The following TEAD1 variants were observed in gnomAD, a reference collection of about 807,000 sequenced individuals.
The protein encoded by TEAD1 is transcriptional enhancer factor TEF-1.
A neutral mutation model predicts 54.9 loss-of-function variants in TEAD1; 9 were observed. That is an observed-to-expected ratio of 0.16 (90% confidence interval 0.10 to 0.29). The LOEUF (loss-of-function observed/expected upper bound fraction) is 0.29, where lower values mean the gene tolerates loss of function less well. TEAD1 is among the 10% of genes least tolerant of loss of function. TEAD1 has a pLI of 1.00. For missense variants in TEAD1, 387 were observed against 535.9 expected, an observed-to-expected ratio of 0.72 and a Z score of 2.74; for synonymous variants, 200 against 187.8, an observed-to-expected ratio of 1.07 and a Z score of -0.53.
At chr11:12,792,493 C>T (rs889512476) in intron 3 of TEAD1, among the ~76,000 whole-genome samples, 3 of 151,926 alleles carry the variant, frequency 2.0e-5, no homozygotes, top group African/African-American at 7.3e-5. Flanking sequence ...TTATTCATGT[C>T]TGTATGCTAA....
chr11:12,866,917 A>G (rs894375022), intron 5 of TEAD1, among the ~76,000 whole-genome samples: 2 of 152,210 alleles, frequency 1.3e-5, no homozygotes, highest in African/African-American at 4.8e-5. Flanking sequence ...ACTTTGGGTA[A>G]TAGCGGGAGC....
At chr11:12,849,809 A>C (rs1240934661) in intron 3 of TEAD1, among the ~76,000 whole-genome samples, 1 of 152,180 alleles carries the variant, frequency 6.6e-6, no homozygotes, top group Non-Finnish European at 1.5e-5. Flanking sequence ...CATTCCTGCT[A>C]TTTATTCAGT....
intron 12 of TEAD1, among the ~76,000 whole-genome samples, chr11:12,936,735 A>AT (rs1245085777): frequency 1.3e-5 from 2 of 152,084 alleles, no homozygotes; most frequent in African/African-American, 4.8e-5. Flanking sequence ...AAAAATTCAG[A>AT]TAAAAAATAA....
intron 10 of TEAD1, among the ~76,000 whole-genome samples, chr11:12,902,678 C>G (rs1280291374): frequency 6.6e-6 from 1 of 152,126 alleles, no homozygotes; most frequent in Non-Finnish European, 1.5e-5. Flanking sequence ...GTTTATGATT[C>G]CTCAGCCTTT....
chr11:12,879,821 G>A lies in TEAD1; in HGVS notation c.444G>A (p.Pro148=), dbSNP rs750781340. The change falls in exon 6 of 13, where the codon CCG becomes CCA. Residue 148 remains proline, a synonymous_variant. Transcript: ENST00000527636. ...TGGGGCTGCCTGGGATTCCACGCCC[G>A]ACCTTCCCAGGGGCGCCGGGGGTAA... The A allele has an allele frequency of 1.3e-5, 21 of 1,613,804 alleles. No individual in the cohort carries two copies. The highest frequency in any genetic ancestry group is 3.3e-5 in the Admixed American group (2 of 60,028).
At chr11:12,755,563 A>T (rs1944967774) in intron 2 of TEAD1, among the ~76,000 whole-genome samples, 1 of 152,216 alleles carries the variant, frequency 6.6e-6, no homozygotes, top group Non-Finnish European at 1.5e-5. Context: ...GAAAAGGCTT[A>T]TGAGTTTTCC....
chr11:12,809,931 G>C (rs1264919967), intron 3 of TEAD1, among the ~76,000 whole-genome samples: 1 of 150,902 alleles, frequency 6.6e-6, no homozygotes, highest in African/African-American at 2.4e-5. Flanking sequence ...GGGAGTGGGT[G>C]AGGAGGTGTG....
intron 2 of TEAD1, among the ~76,000 whole-genome samples, chr11:12,727,009 G>A (rs568787686): frequency 3.3e-5 from 5 of 152,222 alleles, no homozygotes; most frequent in African/African-American, 1.2e-4. Flanking sequence ...GGAGCCTGAG[G>A]CGGGCAGATC....
At chr11:12,840,648 A>G (rs1349254588) in intron 3 of TEAD1, among the ~76,000 whole-genome samples, 5 of 152,112 alleles carry the variant, frequency 3.3e-5, no homozygotes, top group Non-Finnish European at 7.4e-5. Flanking sequence ...AGATATTCCC[A>G]ACTCTGCAGA....
intron 2 of TEAD1, among the ~76,000 whole-genome samples, chr11:12,743,677 T>C (rs1223594801): frequency 6.6e-6 from 1 of 152,214 alleles, no homozygotes; most frequent in African/African-American, 2.4e-5. Context: ...AGAAATAGTG[T>C]TGAAGTGATG....
At chr11:12,795,422 G>T (rs1244488319) in intron 3 of TEAD1, among the ~76,000 whole-genome samples, 2 of 152,162 alleles carry the variant, frequency 1.3e-5, no homozygotes, top group Non-Finnish European at 2.9e-5. Context: ...TTTGGGGCAT[G>T]CAATTCAACC....
At chr11:12,851,924 G>A (rs917039919) in intron 3 of TEAD1, among the ~76,000 whole-genome samples, 3 of 152,202 alleles carry the variant, frequency 2.0e-5, no homozygotes, top group African/African-American at 7.2e-5. Flanking sequence ...TGAATAGTCT[G>A]TAGATAAGTA....
chr11:12,833,691 A>G (rs1946827545), intron 3 of TEAD1, among the ~76,000 whole-genome samples: 1 of 152,160 alleles, frequency 6.6e-6, no homozygotes, highest in African/African-American at 2.4e-5. Flanking sequence ...AATTTTCACA[A>G]ACTGCCTCCA....
At chr11:12,778,774 T>C (rs1364870373) in intron 3 of TEAD1, among the ~76,000 whole-genome samples, 1 of 152,192 alleles carries the variant, frequency 6.6e-6, no homozygotes, top group Admixed American at 6.5e-5. Flanking sequence ...TACAACATTT[T>C]AATGAAACAA....
intron 2 of TEAD1, among the ~76,000 whole-genome samples, chr11:12,719,011 G>C (rs968698185): frequency 7.9e-5 from 12 of 151,606 alleles, no homozygotes; most frequent in Non-Finnish European, 1.3e-4. Context: ...TTTAGGGGGG[G>C]GAGTCCAAGG....
chr11:12,868,010 A>G (rs1947658600), intron 5 of TEAD1, among the ~76,000 whole-genome samples: 1 of 152,194 alleles, frequency 6.6e-6, no homozygotes, highest in South Asian at 2.1e-4. Flanking sequence ...TCAGACGTCG[A>G]AGGGGTAGAC....
chr11:12,920,832 T>C (rs1481672330), intron 10 of TEAD1, among the ~76,000 whole-genome samples: 1 of 152,222 alleles, frequency 6.6e-6, no homozygotes, highest in African/African-American at 2.4e-5. Context: ...GCAGCATCAT[T>C]GGGAAGCATC....
Position 12,937,177 on chromosome 11 carries a change from T to C in TEAD1, c.1236T>C (p.Ser412=), listed in dbSNP as rs1204424604. 1 of 1,613,972 alleles carries C rather than the reference T, an allele frequency of 6.2e-7. No individual in the cohort carries two copies. The highest frequency in any genetic ancestry group is 1.7e-5 in the Admixed American group (1 of 59,994). Residue 412 remains serine, a synonymous_variant, in exon 13 of 13, where the codon AGT becomes AGC. Coordinates refer to ENST00000527636, the MANE Select transcript of TEAD1 (RefSeq NM_021961.6). ...CCTGTGTGTTTGAAGTTTCAAATAG[T>C]GAACACGGAGCACAACATCATATTT... is the stretch of plus-strand genomic sequence containing the variant.
chr11:12,826,110 A>T (rs568865204), intron 3 of TEAD1, among the ~76,000 whole-genome samples: 1 of 152,346 alleles, frequency 6.6e-6, no homozygotes, highest in Admixed American at 6.5e-5. Context: ...TGAGTTAGGC[A>T]AAGAGTTCTT....
Sources: gnomAD v4.1 joint callset for allele counts (sites outside exome capture counted in the v4.1 genomes callset) on GRCh38, gnomAD v4.1.1 for gene constraint, MANE v1.5 for transcripts, NCBI Gene and HGNC (gene_info 2026-07-23, HGNC 2026-07-21) for gene names.